Variants in BAZ2B observed in about 807,000 individuals in gnomAD.
BAZ2B encodes bromodomain adjacent to zinc finger domain protein 2B.
A neutral mutation model predicts 246.0 loss-of-function variants in BAZ2B; 91 were observed. The ratio of observed to expected loss-of-function variants is 0.37; its 90% CI spans 0.31 to 0.44. BAZ2B has a LOEUF of 0.44. Ranked by LOEUF, BAZ2B falls within the 20% of genes least tolerant of loss-of-function variation. The probability of loss-of-function intolerance (pLI) is 1.00; values close to 1 mark genes in which losing one functional copy is unlikely to be tolerated. For missense variants in BAZ2B, 2,332 were observed against 2,533.7 expected (o/e 0.92, Z 1.71); for synonymous variants, 855 against 860.0 (o/e 0.99, Z 0.10).
At chr2:159,559,289 T>C (rs1002175761) in intron 1 of BAZ2B, among the ~76,000 whole-genome samples, 3 of 151,794 alleles carry the variant, frequency 2.0e-5, no homozygotes, top group South Asian at 2.1e-4. Context: ...TTACTCTCTC[T>C]GTATCCAAAA....
At chr2:159,537,116 A>C (rs1348803380) in intron 2 of BAZ2B, among the ~76,000 whole-genome samples, 1 of 152,224 alleles carries the variant, frequency 6.6e-6, no homozygotes, top group Non-Finnish European at 1.5e-5. Context: ...AACATGCATG[A>C]AACTTCAAGG....
intron 1 of BAZ2B, among the ~76,000 whole-genome samples, chr2:159,575,882 A>G (rs1685169721): frequency 6.6e-6 from 1 of 152,202 alleles, no homozygotes; most frequent in Non-Finnish European, 1.5e-5. Context: ...CTAAGAATCT[A>G]TATGTTTTCC....
At chr2:159,402,523 T>C (rs1177808580) in intron 16 of BAZ2B, among the ~76,000 whole-genome samples, 4 of 152,204 alleles carry the variant, frequency 2.6e-5, no homozygotes, top group Admixed American at 6.5e-5. Context: ...TTTTGTGTAA[T>C]TTCCAAATCT....
In BAZ2B at chr2:159,436,937, G is replaced by A. The variant is rs116410795; in HGVS notation, c.1293+1366C>T. ...AAATAATGAACTAATGAGGGATGCA[G>A]GTAGGTACCTCTACCTCAATAATAG... On this transcript the variant is annotated intron_variant, in intron 8 of 36. Transcript: ENST00000392783. Among the ~76,000 whole-genome samples, 805 of 152,222 alleles carry A rather than the reference G, an allele frequency of 5.3e-3. 8 individuals are homozygous for A. The highest frequency in any genetic ancestry group is 7.9e-3 in the Non-Finnish European group (535 of 67,996).
At chr2:159,588,576 A>C (rs1293480066) in intron 1 of BAZ2B, among the ~76,000 whole-genome samples, 4 of 152,080 alleles carry the variant, frequency 2.6e-5, no homozygotes, top group African/African-American at 4.8e-5. Flanking sequence ...AATAAAGACA[A>C]TTCTTTACTG....
At chr2:159,706,086 C>CACACACACACACACACACACACAA in the BAZ2B span, among the ~76,000 whole-genome samples, 4 of 151,334 alleles carry the variant, frequency 2.6e-5, 1 homozygote, top group African/African-American at 4.9e-5. Flanking sequence ...ACATATATAA[C>CACACACACACACACACACACACAA]ACACACACAC....
intron 27 of BAZ2B, among the ~76,000 whole-genome samples, chr2:159,353,834 G>T (rs945778225): frequency 6.6e-6 from 1 of 152,164 alleles, no homozygotes; most frequent in African/African-American, 2.4e-5. Flanking sequence ...AGTTCTGCCT[G>T]ACAAAGTTTA....
chr2:159,510,564 G>A (rs1444106015), intron 2 of BAZ2B, among the ~76,000 whole-genome samples: 3 of 152,116 alleles, frequency 2.0e-5, no homozygotes, highest in Non-Finnish European at 4.4e-5. Flanking sequence ...CGCTGTGAAT[G>A]TAATTAAGAC....
chr2:159,422,482 A>G (rs1253717972), intron 13 of BAZ2B, among the ~76,000 whole-genome samples: 1 of 152,222 alleles, frequency 6.6e-6, no homozygotes, highest in Non-Finnish European at 1.5e-5. Context: ...AACAATAACA[A>G]GCAATGGAGA....
chr2:159,426,533 T>C (rs1270201763), intron 13 of BAZ2B, among the ~76,000 whole-genome samples: 2 of 152,090 alleles, frequency 1.3e-5, no homozygotes, highest in Non-Finnish European at 2.9e-5. Context: ...TAAGTCAAAA[T>C]CTTTAGTTTT....
the BAZ2B span, among the ~76,000 whole-genome samples, chr2:159,696,665 A>C: frequency 2.0e-5 from 3 of 152,242 alleles, no homozygotes; most frequent in Non-Finnish European, 4.4e-5. Flanking sequence ...CAGCTTGCAC[A>C]AAGGCATGAA....
chr2:159,325,574 G>C, intron 35 of BAZ2B, 79 bp downstream of exon 35: 1 of 1,406,636 alleles, frequency 7.1e-7, no homozygotes, highest in Non-Finnish European at 9.6e-7. Flanking sequence ...CAGAAAGAAA[G>C]CTTTAATATG....
Position 159,518,706 on chromosome 2 carries a change from A to G in BAZ2B, c.-3+37117T>C, listed in dbSNP as rs899204325. 1.2e-4 allele frequency among the ~76,000 whole-genome samples: 18 copies of G among 152,354 alleles called. 1 individual carries two copies. The highest frequency in any genetic ancestry group is 9.8e-4 in the Admixed American group (15 of 15,302). ...GAACAGAATGCCGTCTTTAAAACTA[A>G]TATGAATAAAAGGGAAAATAAGAGG... is the stretch of plus-strand genomic sequence containing the variant. On this transcript the variant is annotated intron_variant, in intron 2 of 36. Transcript: ENST00000392783.
intron 2 of BAZ2B, among the ~76,000 whole-genome samples, chr2:159,551,483 A>G (rs980727410): frequency 6.6e-6 from 1 of 151,416 alleles, no homozygotes; most frequent in African/African-American, 2.4e-5. Context: ...AAAAAAAAAA[A>G]AAAAAAAGTT....
chr2:159,392,539 T>C (rs988978796), intron 20 of BAZ2B, among the ~76,000 whole-genome samples: 7 of 152,180 alleles, frequency 4.6e-5, no homozygotes, highest in Admixed American at 1.3e-4. Context: ...TGTTTCTTCA[T>C]GGACCTATTC....
chr2:159,685,186 T>C, the BAZ2B span, among the ~76,000 whole-genome samples: 1 of 152,230 alleles, frequency 6.6e-6, no homozygotes, highest in Non-Finnish European at 1.5e-5. Context: ...TTCCACCTTA[T>C]GGAAAAAGCT....
rs781117664 is a variant in BAZ2B at position 159,438,685 on chromosome 2, T to G, written c.911A>C (p.His304Pro). 6.3e-7 allele frequency: 1 copy of G among 1,597,828 alleles called. No individual in the cohort carries two copies. The highest frequency in any genetic ancestry group is 2.2e-5 in the East Asian group (1 of 44,802). ...QHKSNNQVLL[H>P]GISDPKADGQ... ...ATCTGCTTTTGGGTCTGAAATACCA[T>G]GTAATAGCACCTAGATATAAAAATG... Residue 304 changes from histidine to proline, a missense_variant, in exon 8 of 37, where the codon CAT becomes CCT. Coordinates refer to ENST00000392783, the MANE Select transcript of BAZ2B (RefSeq NM_013450.4).
chr2:159,680,651 G>C, the BAZ2B span, among the ~76,000 whole-genome samples: 1 of 152,172 alleles, frequency 6.6e-6, no homozygotes. Context: ...TGCTGTATGT[G>C]ATAATAAGGG....
At chr2:159,410,296 A>C (rs142335519) in intron 14 of BAZ2B, among the ~76,000 whole-genome samples, 131 of 152,352 alleles carry the variant, frequency 8.6e-4, no homozygotes, top group African/African-American at 2.9e-3. Context: ...AAATAAAAAA[A>C]TCTGACTACC....
Sources: gnomAD v4.1 joint callset for allele counts (sites outside exome capture counted in the v4.1 genomes callset) on GRCh38, gnomAD v4.1.1 for gene constraint, MANE v1.5 for transcripts, NCBI Gene and HGNC (gene_info 2026-07-23, HGNC 2026-07-21) for gene names.